SEZ6L: variants seen among roughly 807,000 people sequenced by gnomAD.
SEZ6L encodes the protein seizure related 6 homolog like.
Under a neutral mutation model 106.2 loss-of-function variants are expected in SEZ6L, and 37 were observed. That is an observed-to-expected ratio of 0.35 (90% CI 0.27 to 0.46). The LOEUF (loss-of-function observed/expected upper bound fraction) is 0.46. Among genes scored for constraint, SEZ6L ranks in the 20% least tolerant of loss-of-function variants. The pLI, the probability that SEZ6L is intolerant of heterozygous loss-of-function variation, is 1.00. For missense variants in SEZ6L, 1,172 were observed against 1,332.8 expected (o/e 0.88, Z 1.88); for synonymous variants, 541 against 570.4 (o/e 0.95, Z 0.73).
At chr22:26,170,962 C>T (rs1229669589) in intron 1 of SEZ6L, among the ~76,000 whole-genome samples, 2 of 152,200 alleles carry the variant, frequency 1.3e-5, no homozygotes, top group South Asian at 2.1e-4. Flanking sequence ...CCCCAGCGCG[C>T]GCACCTGCTT....
chr22:26,236,989 T>C (rs2078975895), intron 1 of SEZ6L, among the ~76,000 whole-genome samples: 1 of 152,156 alleles, frequency 6.6e-6, no homozygotes, highest in African/African-American at 2.4e-5. Flanking sequence ...GCTCTCAGTC[T>C]TCCCACTCCC....
chr22:26,210,513 A>G (rs2078127249), intron 1 of SEZ6L, among the ~76,000 whole-genome samples: 1 of 152,178 alleles, frequency 6.6e-6, no homozygotes, highest in African/African-American at 2.4e-5. Flanking sequence ...TGTGGTGATA[A>G]TTTAATGTAA....
intron 12 of SEZ6L, among the ~76,000 whole-genome samples, chr22:26,354,884 T>A (rs1268325574): frequency 6.6e-6 from 1 of 152,020 alleles, no homozygotes; most frequent in East Asian, 1.9e-4. Context: ...ACGCGGGGTG[T>A]CAGGAGACAC....
chr22:26,350,071 C>T (rs2083220588), intron 11 of SEZ6L, among the ~76,000 whole-genome samples: 1 of 151,988 alleles, frequency 6.6e-6, no homozygotes, highest in Non-Finnish European at 1.5e-5. Flanking sequence ...CCCTGTTAAA[C>T]TATTTGCAAT....
At chr22:26,247,807 C>T (rs773804424) in intron 1 of SEZ6L, among the ~76,000 whole-genome samples, 3 of 152,244 alleles carry the variant, frequency 2.0e-5, no homozygotes, top group Admixed American at 6.5e-5. Flanking sequence ...GATGATATAG[C>T]GGAAATCTCA....
At chr22:26,208,804 A>G (rs1049852294) in intron 1 of SEZ6L, among the ~76,000 whole-genome samples, 7 of 150,542 alleles carry the variant, frequency 4.6e-5, no homozygotes, top group African/African-American at 1.5e-4. Flanking sequence ...ATATTTAAAC[A>G]TGTTTACTGC....
intron 10 of SEZ6L, among the ~76,000 whole-genome samples, chr22:26,347,012 A>G (rs1045345149): frequency 6.6e-6 from 1 of 151,542 alleles, no homozygotes; most frequent in Non-Finnish European, 1.5e-5. Context: ...CAGGCAACAT[A>G]CAAGAGCTCA....
At chr22:26,225,989 C>T (rs1367098189) in intron 1 of SEZ6L, among the ~76,000 whole-genome samples, 1 of 152,180 alleles carries the variant, frequency 6.6e-6, no homozygotes, top group Non-Finnish European at 1.5e-5. Flanking sequence ...TCTCACTTCC[C>T]TTATCCATCC....
intron 1 of SEZ6L, among the ~76,000 whole-genome samples, chr22:26,245,778 G>T (rs920644133): frequency 6.6e-6 from 1 of 152,174 alleles, no homozygotes; most frequent in African/African-American, 2.4e-5. Flanking sequence ...GTCAGATGGG[G>T]ATGCTGGCTC....
chr22:26,262,950 C>A (rs2080063296), intron 1 of SEZ6L, among the ~76,000 whole-genome samples: 1 of 152,206 alleles, frequency 6.6e-6, no homozygotes, highest in African/African-American at 2.4e-5. Flanking sequence ...GCAGCTACAT[C>A]CATTTTCCCT....
intron 1 of SEZ6L, among the ~76,000 whole-genome samples, chr22:26,228,862 C>T (rs1230356058): frequency 6.6e-6 from 1 of 152,184 alleles, no homozygotes; most frequent in Non-Finnish European, 1.5e-5. Context: ...GTGCTCGCCT[C>T]CTCAAGTTTT....
At chr22:26,211,036 G>A (rs1052063614) in intron 1 of SEZ6L, among the ~76,000 whole-genome samples, 2 of 152,058 alleles carry the variant, frequency 1.3e-5, no homozygotes, top group Non-Finnish European at 2.9e-5. Context: ...TCACTCATCC[G>A]CATTTTTTGC....
At chr22:26,204,787 C>A (rs1224625461) in intron 1 of SEZ6L, among the ~76,000 whole-genome samples, 3 of 152,206 alleles carry the variant, frequency 2.0e-5, no homozygotes, top group Non-Finnish European at 4.4e-5. Context: ...ATCACATTTG[C>A]CAAAGACAGG....
chr22:26,282,422 T>C lies in SEZ6L; in HGVS notation c.95-9984T>C, dbSNP rs375627128. 1.2e-4 allele frequency among the ~76,000 whole-genome samples: 18 copies of C among 152,356 alleles called. No individual in the cohort carries two copies. The South Asian group carries it at 2.3e-3, about 19-fold the overall frequency. Reference sequence around the variant, plus strand: ...GCCTGTTTACCTAAAAATCTATTGCTGTTTCAGTGAAGCCTCTTTTGTTCT... The same window carrying C: ...GCCTGTTTACCTAAAAATCTATTGCCGTTTCAGTGAAGCCTCTTTTGTTCT... On this transcript the variant is annotated intron_variant, in intron 1 of 16. Transcript: ENST00000248933.
intron 1 of SEZ6L, among the ~76,000 whole-genome samples, chr22:26,200,555 C>G (rs942282220): frequency 6.6e-6 from 1 of 152,116 alleles, no homozygotes; most frequent in Non-Finnish European, 1.5e-5. Flanking sequence ...TACTGGAGTC[C>G]CTATGTGAGA....
intron 5 of SEZ6L, among the ~76,000 whole-genome samples, chr22:26,300,430 T>G (rs2081418737): frequency 6.6e-6 from 1 of 152,202 alleles, no homozygotes. Context: ...TTGCGACAGT[T>G]TGCTGAGAAT....
chr22:26,295,408 G>T (rs137208), intron 3 of SEZ6L, among the ~76,000 whole-genome samples: 1 of 151,998 alleles, frequency 6.6e-6, no homozygotes, highest in Non-Finnish European at 1.5e-5. Context: ...AGCTGGGGCA[G>T]GTGTATGACC....
chr22:26,361,056 C>G (rs1418761460), intron 12 of SEZ6L, among the ~76,000 whole-genome samples: 1 of 152,106 alleles, frequency 6.6e-6, no homozygotes, highest in Non-Finnish European at 1.5e-5. Context: ...TCCAGATGAA[C>G]TTTTTGTGAG....
chr22:26,359,875 G>C (rs2083557185), intron 12 of SEZ6L, among the ~76,000 whole-genome samples: 1 of 152,166 alleles, frequency 6.6e-6, no homozygotes, highest in African/African-American at 2.4e-5. Flanking sequence ...ATAACTAAAT[G>C]AGTTCATAGA....
Sources: allele counts gnomAD v4.1 joint callset (sites outside exome capture counted in the v4.1 genomes callset), GRCh38; gene constraint gnomAD v4.1.1; transcripts MANE v1.5; gene names NCBI Gene and HGNC (gene_info 2026-07-23, HGNC 2026-07-21).